CCSER1: variants seen among roughly 807,000 people sequenced by gnomAD.
CCSER1 encodes the protein serine-rich coiled-coil domain-containing protein 1.
Under a neutral mutation model 82.0 loss-of-function variants are expected in CCSER1, and 41 were observed. The observed-to-expected ratio is 0.50, with a 90% confidence interval of 0.39 to 0.65. The LOEUF (loss-of-function observed/expected upper bound fraction) is 0.65, where lower values mean the gene tolerates loss of function less well. Among genes scored for constraint, CCSER1 ranks in the 30% least tolerant of loss-of-function variants. The pLI, the probability that CCSER1 is intolerant of heterozygous loss-of-function variation, is 0.00. For missense variants in CCSER1, 1,119 were observed against 1,064.2 expected (o/e 1.05, Z -0.72); for synonymous variants, 414 against 383.9 (o/e 1.08, Z -0.92).
chr4:90,964,746 A>G (rs1159143652), intron 9 of CCSER1, among the ~76,000 whole-genome samples: 2 of 151,354 alleles, frequency 1.3e-5, no homozygotes, highest in South Asian at 2.1e-4. Context: ...AAAAAAAAAA[A>G]AAAAAAGCAA....
intron 9 of CCSER1, among the ~76,000 whole-genome samples, chr4:90,942,114 A>AT (rs1041715036): frequency 5.3e-5 from 8 of 151,852 alleles, no homozygotes; most frequent in Non-Finnish European, 8.8e-5. Flanking sequence ...TACTCAGCTC[A>AT]TTTTTTTGTA....
At chr4:91,356,940 C>T (rs974413905) in intron 10 of CCSER1, among the ~76,000 whole-genome samples, 1 of 152,072 alleles carries the variant, frequency 6.6e-6, no homozygotes, top group Non-Finnish European at 1.5e-5. Flanking sequence ...GACTGAAGGA[C>T]CACCTTAGTG....
chr4:91,039,361 G>C (rs942638336), intron 9 of CCSER1, among the ~76,000 whole-genome samples: 1 of 151,938 alleles, frequency 6.6e-6, no homozygotes, highest in Non-Finnish European at 1.5e-5. Context: ...TATTCTTTAA[G>C]CCCAACATGG....
chr4:91,252,779 T>C (rs1363175383), intron 10 of CCSER1, among the ~76,000 whole-genome samples: 3 of 151,994 alleles, frequency 2.0e-5, no homozygotes, highest in Non-Finnish European at 4.4e-5. Context: ...ACATTAAATG[T>C]ATACAAAAAA....
intron 10 of CCSER1, among the ~76,000 whole-genome samples, chr4:91,180,898 T>G (rs967537589): frequency 6.6e-6 from 1 of 151,768 alleles, no homozygotes; most frequent in South Asian, 2.1e-4. Flanking sequence ...AAAGTATCCC[T>G]TAAGGGAAAC....
intron 5 of CCSER1, among the ~76,000 whole-genome samples, chr4:90,538,292 T>C (rs1034847358): frequency 6.6e-6 from 1 of 152,272 alleles, no homozygotes; most frequent in South Asian, 2.1e-4. Flanking sequence ...TGATATTCTC[T>C]ATATAAGATA....
chr4:91,003,762 T>TA lies in CCSER1; in HGVS notation c.2172+80323dup, dbSNP rs907166201. The stretch of plus-strand genomic sequence containing the variant: ...GATTTCCTCAATGGGTTGAAATTGT[T>TA]AAAAAAAAGTTCGACTGGAAATTTC... On this transcript the variant is annotated intron_variant, in intron 9 of 10. Coordinates refer to ENST00000509176, the MANE Select transcript of CCSER1 (RefSeq NM_001145065.2). Among the ~76,000 whole-genome samples, 14 of 152,006 alleles carry TA rather than the reference T, an allele frequency of 9.2e-5. No individual in the cohort carries two copies. In the South Asian group the frequency reaches 1.2e-3, roughly 14 times the overall value.
chr4:90,643,430 T>A (rs1322818428), intron 6 of CCSER1, among the ~76,000 whole-genome samples: 1 of 152,298 alleles, frequency 6.6e-6, no homozygotes, highest in South Asian at 2.1e-4. Context: ...ATTGGAGCAT[T>A]AGTTTTAGGA....
At chr4:90,477,825 T>C (rs948316690) in intron 5 of CCSER1, among the ~76,000 whole-genome samples, 1 of 152,120 alleles carries the variant, frequency 6.6e-6, no homozygotes, top group East Asian at 1.9e-4. Context: ...CCAACCATGA[T>C]AGTTGTCCAA....
chr4:90,446,330 A>G (rs536060860), intron 4 of CCSER1, among the ~76,000 whole-genome samples: 1 of 152,168 alleles, frequency 6.6e-6, no homozygotes, highest in South Asian at 2.1e-4. Flanking sequence ...GAGGATGGAC[A>G]TTATGTAGAT....
chr4:90,726,918 T>C (rs1743743235), intron 7 of CCSER1, among the ~76,000 whole-genome samples: 1 of 152,108 alleles, frequency 6.6e-6, no homozygotes, highest in South Asian at 2.1e-4. Context: ...GTCACCACAG[T>C]CATCACCATT....
At chr4:90,158,025 A>G (rs2153362095) in intron 1 of CCSER1, among the ~76,000 whole-genome samples, 1 of 152,002 alleles carries the variant, frequency 6.6e-6, no homozygotes, top group South Asian at 2.1e-4. Context: ...TTGGTCTTTG[A>G]TGATGGTGAT....
At chr4:91,117,795 C>G (rs1442248151) in intron 10 of CCSER1, among the ~76,000 whole-genome samples, 1 of 152,102 alleles carries the variant, frequency 6.6e-6, no homozygotes, top group African/African-American at 2.4e-5. Context: ...TAGACATATT[C>G]TTATGTTTAT....
intron 7 of CCSER1, among the ~76,000 whole-genome samples, chr4:90,810,178 T>C (rs1331884438): frequency 6.6e-6 from 1 of 152,138 alleles, no homozygotes; most frequent in Non-Finnish European, 1.5e-5. Context: ...CCCAAGCTAG[T>C]CTTGAAGTCC....
At chr4:91,258,944 A>G (rs1740901206) in intron 10 of CCSER1, among the ~76,000 whole-genome samples, 1 of 152,160 alleles carries the variant, frequency 6.6e-6, no homozygotes, top group African/African-American at 2.4e-5. Flanking sequence ...TCATACATCT[A>G]TGAAGTAGGA....
chr4:90,712,423 G>A (rs1270365436), intron 6 of CCSER1, among the ~76,000 whole-genome samples: 3 of 152,026 alleles, frequency 2.0e-5, no homozygotes, highest in Non-Finnish European at 4.4e-5. Context: ...TCAGGAGCAA[G>A]TTTCTGAATT....
At chr4:91,018,429 T>C (rs1334030066) in intron 9 of CCSER1, among the ~76,000 whole-genome samples, 1 of 152,142 alleles carries the variant, frequency 6.6e-6, no homozygotes, top group African/African-American at 2.4e-5. Context: ...TATCTCTTTA[T>C]CTGCAATCTG....
chr4:91,316,073 T>G (rs148765710), intron 10 of CCSER1, among the ~76,000 whole-genome samples: 6 of 152,028 alleles, frequency 3.9e-5, no homozygotes, highest in Non-Finnish European at 8.8e-5. Context: ...TCACTGCCCA[T>G]GCCTTCTTGC....
At chr4:91,482,566 C>A (rs567369375) in intron 10 of CCSER1, among the ~76,000 whole-genome samples, 1 of 151,940 alleles carries the variant, frequency 6.6e-6, no homozygotes, top group Non-Finnish European at 1.5e-5. Flanking sequence ...ACTAGAAATA[C>A]CATTTGACCC....
Sources: allele counts gnomAD v4.1 joint callset (sites outside exome capture counted in the v4.1 genomes callset), GRCh38; gene constraint gnomAD v4.1.1; transcripts MANE v1.5; gene names NCBI Gene and HGNC (gene_info 2026-07-23, HGNC 2026-07-21).